The following RBFOX1 variants were observed in gnomAD, a reference collection of about 807,000 sequenced individuals.
The protein encoded by RBFOX1 is RNA binding protein fox-1 homolog 1.
RBFOX1 carries 8 observed loss-of-function variants against 57.7 expected under a neutral mutation model. The observed-to-expected ratio is 0.14, with a 90% CI of 0.08 to 0.25. The LOEUF (loss-of-function observed/expected upper bound fraction) is 0.25. Among genes scored for constraint, RBFOX1 ranks in the 10% least tolerant of loss-of-function variants. RBFOX1 has a pLI of 1.00. For missense variants in RBFOX1, 611 were observed against 548.5 expected, an observed-to-expected ratio of 1.11 and a Z score of -1.14; for synonymous variants, 326 against 222.4, an observed-to-expected ratio of 1.47 and a Z score of -4.15.
chr16:5,490,675 C>T (rs1842435567), intron 2 of RBFOX1, among the ~76,000 whole-genome samples: 1 of 152,128 alleles, frequency 6.6e-6, no homozygotes, highest in African/African-American at 2.4e-5. Flanking sequence ...TGCAGACCGC[C>T]CGGAAACTTC....
At chr16:5,759,004 GA>G (rs2053494849) in intron 3 of RBFOX1, among the ~76,000 whole-genome samples, 1 of 152,172 alleles carries the variant, frequency 6.6e-6, no homozygotes. Flanking sequence ...AAACCATGGT[GA>G]GTTTCACGAC....
At chr16:7,650,449 C>T (rs1172126187) in intron 11 of RBFOX1, among the ~76,000 whole-genome samples, 1 of 151,868 alleles carries the variant, frequency 6.6e-6, no homozygotes, top group Non-Finnish European at 1.5e-5. Context: ...TGGGAGAGCC[C>T]AAAGAACCTC....
At chr16:5,250,435 C>A (rs1200805786) in intron 1 of RBFOX1, among the ~76,000 whole-genome samples, 3 of 152,126 alleles carry the variant, frequency 2.0e-5, no homozygotes, top group African/African-American at 7.2e-5. Context: ...TCCCTCACCC[C>A]CGACAGGCCC....
chr16:6,264,199 C>T (rs1188051893), intron 1 of RBFOX1, among the ~76,000 whole-genome samples: 2 of 152,040 alleles, frequency 1.3e-5, no homozygotes, highest in Non-Finnish European at 2.9e-5. Context: ...TTGGATAATC[C>T]ATCTGGATCA....
intron 4 of RBFOX1, among the ~76,000 whole-genome samples, chr16:7,227,412 G>A (rs2093207265): frequency 6.6e-6 from 1 of 151,698 alleles, no homozygotes; most frequent in Non-Finnish European, 1.5e-5. Flanking sequence ...CCACAATGCA[G>A]GAATTTTGCA....
At chr16:7,690,392 A>G (rs2077059281) in intron 14 of RBFOX1, among the ~76,000 whole-genome samples, 1 of 152,132 alleles carries the variant, frequency 6.6e-6, no homozygotes, top group Non-Finnish European at 1.5e-5. Flanking sequence ...ATTGGTCTTC[A>G]GTGTAGCTTG....
chr16:6,634,467 A>T (rs1362828948), intron 2 of RBFOX1, among the ~76,000 whole-genome samples: 1 of 150,776 alleles, frequency 6.6e-6, no homozygotes, highest in African/African-American at 2.4e-5. Context: ...ATATATATTT[A>T]ATATAATAGA....
intron 7 of RBFOX1, among the ~76,000 whole-genome samples, chr16:7,587,850 G>T (rs2094209970): frequency 6.6e-6 from 1 of 152,280 alleles, no homozygotes; most frequent in Admixed American, 6.5e-5. Context: ...AAAAGTCAGG[G>T]GCTCTATGGA....
chr16:7,477,506 C>T (rs1313624607), intron 4 of RBFOX1, among the ~76,000 whole-genome samples: 4 of 152,122 alleles, frequency 2.6e-5, no homozygotes, highest in African/African-American at 9.7e-5. Context: ...CCTTCTGCCC[C>T]CTGAATATTA....
chr16:5,562,084 T>G (rs781137966), intron 2 of RBFOX1, among the ~76,000 whole-genome samples: 1 of 152,176 alleles, frequency 6.6e-6, no homozygotes, highest in East Asian at 1.9e-4. Flanking sequence ...ATCTCGGCAC[T>G]CATTTTGTCT....
At chr16:6,035,597 G>T (rs912673227) in intron 1 of RBFOX1, among the ~76,000 whole-genome samples, 1 of 152,128 alleles carries the variant, frequency 6.6e-6, no homozygotes, top group Non-Finnish European at 1.5e-5. Flanking sequence ...TTGGTGTTCA[G>T]TAATGCTCTA....
At chr16:6,158,776 T>C (rs931812362) in intron 1 of RBFOX1, among the ~76,000 whole-genome samples, 1 of 152,186 alleles carries the variant, frequency 6.6e-6, no homozygotes, top group Non-Finnish European at 1.5e-5. Flanking sequence ...TCTACAATTA[T>C]ATTGCTCTGG....
chr16:7,611,949 T>A (rs2057553402), intron 10 of RBFOX1, among the ~76,000 whole-genome samples: 2 of 152,130 alleles, frequency 1.3e-5, no homozygotes, highest in African/African-American at 2.4e-5. Context: ...GAGAGATGGG[T>A]AGTTTTCTAT....
chr16:5,517,549 G>T (rs2043837579), intron 2 of RBFOX1, among the ~76,000 whole-genome samples: 1 of 152,116 alleles, frequency 6.6e-6, no homozygotes, highest in African/African-American at 2.4e-5. Flanking sequence ...GTCCAACCCT[G>T]GTCCAGTCCA....
intron 1 of RBFOX1, among the ~76,000 whole-genome samples, chr16:5,390,821 T>C (rs1204992408): frequency 6.6e-6 from 1 of 152,112 alleles, no homozygotes; most frequent in East Asian, 1.9e-4. Context: ...GCTTGAAGGA[T>C]AGTGCATGTG....
At chr16:6,962,960 A>T (rs929843628) in intron 3 of RBFOX1, among the ~76,000 whole-genome samples, 1 of 152,170 alleles carries the variant, frequency 6.6e-6, no homozygotes, top group African/African-American at 2.4e-5. Context: ...TTGATCGCTC[A>T]GCAGTTTGCA....
chr16:5,989,573 C>T (rs903726889), intron 4 of RBFOX1, among the ~76,000 whole-genome samples: 1 of 151,976 alleles, frequency 6.6e-6, no homozygotes, highest in Admixed American at 6.6e-5. Context: ...AAGGGCTCGC[C>T]GACCTAGAAT....
At chr16:7,584,275 C>A (rs920174266) in intron 6 of RBFOX1, among the ~76,000 whole-genome samples, 2 of 152,074 alleles carry the variant, frequency 1.3e-5, no homozygotes, top group Admixed American at 1.3e-4. Context: ...AGTGTGTGTG[C>A]CTGTAAGCTT....
Position 6,217,844 on chromosome 16 carries a change from G to T in RBFOX1, c.-126-99151G>T, listed in dbSNP as rs149412331. ...AGCCGGGCGAACATGGCAAAACTCT[G>T]TATCTAGTAAAACTACAAACATTAG... On this transcript the variant is annotated intron_variant, in intron 1 of 15. Coordinates refer to ENST00000550418, the MANE Select transcript of RBFOX1 (RefSeq NM_018723.4). Among the ~76,000 whole-genome samples the T allele has an allele frequency of 7.9e-3, 1,210 of 152,210 alleles. 18 individuals carry two copies. The highest frequency in any genetic ancestry group is 0.027 in the African/African-American group (1,130 of 41,510).
Sources: gnomAD v4.1 joint callset for allele counts (sites outside exome capture counted in the v4.1 genomes callset) on GRCh38, gnomAD v4.1.1 for gene constraint, MANE v1.5 for transcripts, NCBI Gene and HGNC (gene_info 2026-07-23, HGNC 2026-07-21) for gene names.